TLL1: variants seen among roughly 807,000 people sequenced by gnomAD.
TLL1 encodes the protein tolloid-like protein 1.
A neutral mutation model predicts 128.2 loss-of-function variants in TLL1; 49 were observed. The ratio of observed to expected loss-of-function variants is 0.38; its 90% confidence interval spans 0.30 to 0.48. TLL1 has a LOEUF of 0.48. TLL1 is among the 20% of genes least tolerant of loss of function. The pLI is 0.96. For synonymous variants in TLL1, 454 were observed against 418.8 expected (o/e 1.08, Z -1.03); for missense variants, 1,123 against 1,242.0 (o/e 0.90, Z 1.44).
At chr4:165,876,084 TG>T (rs1461672836) in intron 1 of TLL1, among the ~76,000 whole-genome samples, 7 of 152,200 alleles carry the variant, frequency 4.6e-5, no homozygotes, top group African/African-American at 1.7e-4. Flanking sequence ...CCTGTGTGTG[TG>T]TTCACACGCA....
At chr4:166,021,306 AG>A (rs201408670) in intron 8 of TLL1, among the ~76,000 whole-genome samples, 5,618 of 152,038 alleles carry the variant, frequency 0.037, 125 homozygotes, top group Middle Eastern at 0.058. Flanking sequence ...TCCCTCATTT[AG>A]TGAATGGTTG....
intron 8 of TLL1, among the ~76,000 whole-genome samples, chr4:166,020,582 C>A (rs1177229626): frequency 3.9e-5 from 6 of 152,156 alleles, no homozygotes; most frequent in Admixed American, 2.0e-4. Context: ...CGTTGACCTC[C>A]ACTTTACCCT....
At chr4:166,070,654 T>G (rs1227230807) in intron 16 of TLL1, among the ~76,000 whole-genome samples, 2 of 151,954 alleles carry the variant, frequency 1.3e-5, no homozygotes, top group Non-Finnish European at 2.9e-5. Context: ...AGTTCATTTC[T>G]GTCTGTAACA....
intron 12 of TLL1, among the ~76,000 whole-genome samples, chr4:166,048,224 G>A (rs1344015858): frequency 5.2e-5 from 7 of 133,926 alleles, no homozygotes; most frequent in African/African-American, 8.6e-5. Flanking sequence ...CAACAAGAGC[G>A]AAATTCCGTC....
intron 1 of TLL1, among the ~76,000 whole-genome samples, chr4:165,930,863 A>G (rs1316525181): frequency 2.0e-5 from 3 of 152,252 alleles, no homozygotes; most frequent in Non-Finnish European, 2.9e-5. Context: ...ACTCCAGAAA[A>G]AAACATATGC....
intron 1 of TLL1, among the ~76,000 whole-genome samples, chr4:165,902,801 C>T (rs1287161266): frequency 6.6e-6 from 1 of 152,142 alleles, no homozygotes; most frequent in Non-Finnish European, 1.5e-5. Context: ...AACCTACCCC[C>T]AAAATGTTGA....
chr4:165,991,367 A>G (rs1243943314), intron 2 of TLL1, among the ~76,000 whole-genome samples: 1 of 152,038 alleles, frequency 6.6e-6, no homozygotes, highest in East Asian at 1.9e-4. Context: ...ATTGCAAACA[A>G]TGTAATATAA....
chr4:165,953,579 AAAAG>A (rs980184269), intron 1 of TLL1, among the ~76,000 whole-genome samples: 25 of 132,928 alleles, frequency 1.9e-4, no homozygotes, highest in African/African-American at 8.5e-4. Flanking sequence ...AAAAAAAAAA[AAAAG>A]AAAGAAGGAA....
At chr4:165,983,863 T>G (rs1241953836) in intron 1 of TLL1, among the ~76,000 whole-genome samples, 1 of 151,822 alleles carries the variant, frequency 6.6e-6, no homozygotes, top group Non-Finnish European at 1.5e-5. Context: ...CAGGTAAAAA[T>G]CAGGTTACCT....
rs149498697 is a variant in TLL1, at chr4:165,888,017, C to G, written c.169+13944C>G. On this transcript the variant is annotated intron_variant, in intron 1 of 20. Coordinates refer to ENST00000061240, the MANE Select transcript of TLL1 (RefSeq NM_012464.5). ...ACTTTATTCCAACATTCTTGACAGT[C>G]TTGTACGTTTTAATAATTTATATGT... Among the ~76,000 whole-genome samples the G allele has an allele frequency of 2.4e-3, 363 of 152,222 alleles. 2 individuals carry two copies. The East Asian group carries it at 0.043, about 18-fold the overall frequency.
intron 1 of TLL1, among the ~76,000 whole-genome samples, chr4:165,934,491 G>C (rs547349345): frequency 5.9e-5 from 9 of 152,220 alleles, no homozygotes; most frequent in Non-Finnish European, 1.2e-4. Context: ...GTGTCAAGTG[G>C]TGATAAAATA....
At chr4:166,033,609 A>T (rs78546928) in intron 9 of TLL1, among the ~76,000 whole-genome samples, 1 of 152,168 alleles carries the variant, frequency 6.6e-6, no homozygotes, top group Non-Finnish European at 1.5e-5. Flanking sequence ...AACTGTATAC[A>T]TAAGTATGGT....
At chr4:165,916,154 G>A (rs371525596) in intron 1 of TLL1, among the ~76,000 whole-genome samples, 33 of 152,168 alleles carry the variant, frequency 2.2e-4, no homozygotes, top group African/African-American at 7.5e-4. Context: ...ATTTTCACCC[G>A]TTTGAAGAAC....
At chr4:166,055,027 A>G (rs1739938620) in intron 12 of TLL1, 49 bp from the exon 13 acceptor site, 4 of 1,496,104 alleles carry the variant, frequency 2.7e-6, no homozygotes, top group Non-Finnish European at 3.7e-6. Flanking sequence ...TCCTATATAA[A>G]ATGTTTTATC....
intron 1 of TLL1, among the ~76,000 whole-genome samples, chr4:165,900,246 T>C (rs1731912622): frequency 6.6e-6 from 1 of 152,154 alleles, no homozygotes; most frequent in Admixed American, 6.5e-5. Context: ...TTAAAGTTAA[T>C]ATTGTTATGT....
rs148041369 is a variant in TLL1 at position 166,082,873 on chromosome 4, T to G, written c.2442+4843T>G. The stretch of plus-strand genomic sequence containing the variant: ...TTGTATTTTTGTAGAGTCAGCGTTT[T>G]GCTATGTTGGCCAGGCTGGTCTCGA... On this transcript the variant is annotated intron_variant, in intron 18 of 20. Coordinates refer to ENST00000061240, the MANE Select transcript of TLL1 (RefSeq NM_012464.5). 9.7e-3 allele frequency among the ~76,000 whole-genome samples: 1,470 copies of G among 152,090 alleles called. 32 individuals carry two copies. The highest frequency in any genetic ancestry group is 0.033 in the African/African-American group (1,388 of 41,484).
intron 7 of TLL1, among the ~76,000 whole-genome samples, chr4:166,011,000 G>T (rs182741543): frequency 4.6e-4 from 70 of 150,606 alleles, no homozygotes; most frequent in Non-Finnish European, 9.2e-4. Context: ...TATTTCACCC[G>T]TCTATAGATC....
rs76591388 is a variant in TLL1 at position 165,908,797 on chromosome 4, C to T, written c.169+34724C>T. Among the ~76,000 whole-genome samples the T allele has an allele frequency of 1.4e-4, 22 of 152,132 alleles. No individual in the cohort carries two copies. In the East Asian group the frequency reaches 1.9e-3, roughly 13 times the overall value. ...AACCCTTGCAGTAATCCAGGCCAGG[C>T]ATGGTTGTGGCACAGGCCAAAGTGT... is the stretch of plus-strand genomic sequence containing the variant. On this transcript the variant is annotated intron_variant, in intron 1 of 20. Transcript: ENST00000061240.
chr4:166,039,336 C>T lies in TLL1; in HGVS notation c.1159-3C>T. 6.2e-7 allele frequency: 1 copy of T among 1,607,972 alleles called. No homozygotes were observed. The highest frequency in any genetic ancestry group is 8.5e-7 in the Non-Finnish European group (1 of 1,174,828). ...CTGTGGGTTGCTTACCTCCATTTTG[C>T]AGATTGTTTTAAATTTTACAACGAT... On this transcript the variant is annotated splice_polypyrimidine_tract_variant and splice_region_variant and intron_variant, in intron 9 of 20. Transcript: ENST00000061240.
Sources: gnomAD v4.1 joint callset for allele counts (sites outside exome capture counted in the v4.1 genomes callset) on GRCh38, gnomAD v4.1.1 for gene constraint, MANE v1.5 for transcripts, NCBI Gene and HGNC (gene_info 2026-07-23, HGNC 2026-07-21) for gene names.